The following DCBLD2 variants were observed in gnomAD, a reference collection of about 807,000 sequenced individuals.
DCBLD2 encodes discoidin, CUB and LCCL domain-containing protein 2.
DCBLD2 carries 54 observed loss-of-function variants against 86.8 expected under a neutral mutation model. That is an observed-to-expected ratio of 0.62 (90% CI 0.50 to 0.78). DCBLD2 has a LOEUF of 0.78. Ranked by LOEUF, DCBLD2 falls within the 30% of genes least tolerant of loss-of-function variation. DCBLD2 has a pLI of 0.00. For synonymous variants in DCBLD2, 354 were observed against 341.3 expected, an observed-to-expected ratio of 1.04 and a Z score of -0.41; for missense variants, 908 against 954.2, an observed-to-expected ratio of 0.95 and a Z score of 0.64.
At position 98,901,208 on chromosome 3, in the gene DCBLD2, G is replaced by C; in HGVS notation, c.119C>G (p.Ser40Cys). 6.5e-7 allele frequency: 1 copy of C among 1,536,266 alleles called. No homozygotes were observed. The highest frequency in any genetic ancestry group is 1.2e-5 in the South Asian group (1 of 84,002). Residue 40 changes from serine to cysteine, a missense_variant, in exon 1 of 16, where the codon TCC becomes TGC. Physicochemically the swap from Ser to Cys is moderately radical, Grantham distance 112. Transcript: ENST00000326840. ...AGGCATGGAGAAGGAGGAGGAGTTGGAGCAGGGAGGGAGGGAGCGGGAGAG... is the reference window on the plus strand; with the variant it reads ...AGGCATGGAGAAGGAGGAGGAGTTGCAGCAGGGAGGGAGGGAGCGGGAGAG... ...LPLSRSLPPCSNSSSFSMPLF... is the reference protein window; with the variant it reads ...LPLSRSLPPCCNSSSFSMPLF...
chr3:98,825,643 T>TTATATATATATATATATATATA (rs56736194), intron 3 of DCBLD2, among the ~76,000 whole-genome samples: 45 of 115,072 alleles, frequency 3.9e-4, no homozygotes, highest in East Asian at 8.0e-4. Context: ...ATATGTGTAT[T>TTATATATATATATATATATATA]TATATATATA....
chr3:98,877,997 G>A (rs1364465212), intron 2 of DCBLD2, among the ~76,000 whole-genome samples: 1 of 151,720 alleles, frequency 6.6e-6, no homozygotes, highest in African/African-American at 2.4e-5. Context: ...TGGGAGAGAA[G>A]GGAAAGATCC....
At position 98,812,458 on chromosome 3, in the gene DCBLD2, G is replaced by A; in HGVS notation, c.1237C>T (p.His413Tyr). ...AAAAAGTTATTACGCACATCCTGGTGATAATCTTTGTTTCCTTGAAATATC... is the reference window on the plus strand; with the variant it reads ...AAAAAGTTATTACGCACATCCTGGTAATAATCTTTGTTTCCTTGAAATATC... Reference protein sequence around the residue: ...DKIFQGNKDYHQDVRNNFLPP... With the variant: ...DKIFQGNKDYYQDVRNNFLPP... Residue 413 changes from histidine (H) to tyrosine (Y), a missense_variant, in exon 10 of 16, where the codon CAC (histidine) becomes TAC (tyrosine). Around this residue, in one of 3 missense-constraint regions of DCBLD2, gnomAD observed 606 missense variants for 678.5 expected, o/e 0.89. Coordinates refer to ENST00000326840, the MANE Select transcript of DCBLD2 (RefSeq NM_080927.4). 5 of 1,613,024 alleles carry A rather than the reference G, an allele frequency of 3.1e-6. No individual in the cohort carries two copies. Among genetic ancestry groups the A allele is most frequent in the Non-Finnish European group, 4.2e-6 (5 of 1,179,418 alleles).
chr3:98,897,122 A>C (rs1943763666), intron 1 of DCBLD2, among the ~76,000 whole-genome samples: 1 of 152,174 alleles, frequency 6.6e-6, no homozygotes, highest in African/African-American at 2.4e-5. Flanking sequence ...CAATTCCACC[A>C]TTTTAAGATA....
At chr3:98,864,350 C>T (rs985674822) in intron 2 of DCBLD2, among the ~76,000 whole-genome samples, 2 of 152,174 alleles carry the variant, frequency 1.3e-5, no homozygotes, top group African/African-American at 2.4e-5. Flanking sequence ...CATCCCATTA[C>T]TGGGTATATA....
chr3:98,834,562 C>A (rs1234612042), intron 3 of DCBLD2, among the ~76,000 whole-genome samples: 1 of 152,054 alleles, frequency 6.6e-6, no homozygotes, highest in African/African-American at 2.4e-5. Context: ...ATTTGCTTAT[C>A]CATGCTTGGC....
chr3:98,814,118 T>C (rs1341513740), intron 9 of DCBLD2: 1 of 152,184 alleles, frequency 6.6e-6, no homozygotes, highest in Admixed American at 6.5e-5. Flanking sequence ...TATTTCCAAG[T>C]ATTGTGGCTC....
At chr3:98,860,286 T>C (rs1467120535) in intron 2 of DCBLD2, among the ~76,000 whole-genome samples, 1 of 152,156 alleles carries the variant, frequency 6.6e-6, no homozygotes, top group Non-Finnish European at 1.5e-5. Context: ...TGGAACCAAG[T>C]TGGAAAACAC....
At chr3:98,799,977 A>G (rs1941687540) in intron 15 of DCBLD2, 136 bp from the exon 16 acceptor site, 1 of 709,928 alleles carries the variant, frequency 1.4e-6, no homozygotes, top group Non-Finnish European at 2.3e-6. Flanking sequence ...TTAATCTGTA[A>G]GAACTTTGAA....
At chr3:98,847,623 G>A (rs954826578) in intron 3 of DCBLD2, among the ~76,000 whole-genome samples, 6 of 152,282 alleles carry the variant, frequency 3.9e-5, no homozygotes, top group Non-Finnish European at 7.4e-5. Context: ...TAGCTGAGGA[G>A]GAATCGCTTG....
intron 15 of DCBLD2, among the ~76,000 whole-genome samples, chr3:98,800,157 G>A (rs1487001897): frequency 6.6e-6 from 1 of 151,976 alleles, no homozygotes; most frequent in Non-Finnish European, 1.5e-5. Context: ...TATTTCATTG[G>A]AAAAGAAACA....
chr3:98,876,473 A>T (rs563429120), intron 2 of DCBLD2, among the ~76,000 whole-genome samples: 95 of 149,952 alleles, frequency 6.3e-4, no homozygotes, highest in African/African-American at 2.1e-3. Context: ...AAACAGTTCA[A>T]TTTCACTCAT....
chr3:98,822,179 A>C, intron 6 of DCBLD2, 49 bp downstream of exon 6: 1 of 1,597,556 alleles, frequency 6.3e-7, no homozygotes, highest in East Asian at 2.2e-5. Flanking sequence ...TGCTACCCAG[A>C]ATGCTAATTA....
intron 3 of DCBLD2, among the ~76,000 whole-genome samples, chr3:98,847,776 C>T (rs1942754108): frequency 6.6e-6 from 1 of 152,128 alleles, no homozygotes; most frequent in Non-Finnish European, 1.5e-5. Context: ...AAATAATCAA[C>T]TGTTAAAAAT....
intron 2 of DCBLD2, 34 bp downstream of exon 2, chr3:98,881,506 T>A (rs1417412911): frequency 6.5e-7 from 1 of 1,541,102 alleles, no homozygotes; most frequent in Admixed American, 1.7e-5. Flanking sequence ...GACAATGATG[T>A]ATTTACATGT....
chr3:98,875,210 C>A (rs1295820645), intron 2 of DCBLD2, among the ~76,000 whole-genome samples: 2 of 151,772 alleles, frequency 1.3e-5, no homozygotes, highest in East Asian at 3.9e-4. Context: ...TTTAAAAACT[C>A]AGTAAAATAG....
chr3:98,826,999 T>C (rs367799170), intron 3 of DCBLD2, among the ~76,000 whole-genome samples: 1 of 152,152 alleles, frequency 6.6e-6, no homozygotes, highest in East Asian at 1.9e-4. Flanking sequence ...TCTGAAGAAA[T>C]TTTGTGTTTA....
At chr3:98,878,909 A>T (rs1379695595) in intron 2 of DCBLD2, among the ~76,000 whole-genome samples, 1 of 152,218 alleles carries the variant, frequency 6.6e-6, no homozygotes, top group Non-Finnish European at 1.5e-5. Context: ...TTCAGACCGT[A>T]CAGAAAGTGA....
intron 2 of DCBLD2, among the ~76,000 whole-genome samples, chr3:98,863,803 ACTTCATG>A (rs1339821279): frequency 2.7e-5 from 4 of 149,440 alleles, no homozygotes; most frequent in African/African-American, 9.7e-5. Flanking sequence ...ATAGGCATGG[ACTTCATG>A]TCTAAAACAC....
Sources: gnomAD v4.1 joint callset for allele counts (sites outside exome capture counted in the v4.1 genomes callset) on GRCh38, gnomAD v4.1.1 for gene constraint, gnomAD v4.1.1 regional missense constraint, MANE v1.5 for transcripts, NCBI Gene and HGNC (gene_info 2026-07-23, HGNC 2026-07-21) for gene names.